The following H3-3A variants were observed in gnomAD, a reference collection of about 807,000 sequenced individuals.
H3-3A encodes the protein histone H3.3.
For missense variants in H3-3A, 7 were observed against 184.0 expected (o/e 0.04, Z 5.57); for synonymous variants, 49 against 61.4 (o/e 0.80, Z 0.95).
intron 2 of H3-3A, among the ~76,000 whole-genome samples, chr1:226,065,353 C>A (rs1023293668): frequency 6.6e-6 from 1 of 151,962 alleles, no homozygotes; most frequent in African/African-American, 2.4e-5. Context: ...TCTTCATTAG[C>A]CTGACAGCTA....
At chr1:226,064,507 C>G (rs2102735886) in intron 2 of H3-3A, 28 bp downstream of exon 2, 3 of 1,592,446 alleles carry the variant, frequency 1.9e-6, no homozygotes, top group East Asian at 4.5e-5. Flanking sequence ...AAAAATGGGA[C>G]AAAGTCTCTC....
Position 226,067,992 on chromosome 1 carries a change from A to G in H3-3A, c.282+2183A>G, listed in dbSNP as rs138859445. ...TTTAATGTCTGAGAACTTGAACTCA[A>G]ATATTCTTGTGTTAAGTGGACAGTG... On this transcript the variant is annotated intron_variant, in intron 3 of 3. Transcript: ENST00000366815. Among the ~76,000 whole-genome samples, 8 of 152,334 alleles carry G rather than the reference A, an allele frequency of 5.3e-5. No homozygotes were observed. In the East Asian group the frequency reaches 1.3e-3, roughly 26 times the overall value.
chr1:226,067,204 A>G (rs542455779), intron 3 of H3-3A: 1 of 152,290 alleles, frequency 6.6e-6, no homozygotes, highest in South Asian at 2.1e-4. Context: ...TTTTAAATTG[A>G]ATTTACTAAA....
At chr1:226,065,602 C>T (rs576675629) in intron 2 of H3-3A, 54 bp from the exon 3 acceptor site, 2 of 1,354,012 alleles carry the variant, frequency 1.5e-6, no homozygotes, top group East Asian at 2.3e-5. Flanking sequence ...TGCCCACTTA[C>T]CTTTTTGTGC....
At chr1:226,063,356 T>C (rs953247770) in intron 1 of H3-3A, among the ~76,000 whole-genome samples, 1 of 152,214 alleles carries the variant, frequency 6.6e-6, no homozygotes, top group African/African-American at 2.4e-5. Flanking sequence ...AGCAAGAATT[T>C]TTAAAAGAGG....
At chr1:226,066,787 A>T (rs41268727) in intron 3 of H3-3A, 10,102 of 152,564 alleles carry the variant, frequency 0.066, 444 homozygotes, top group Non-Finnish European at 0.1. Context: ...AGTACATTCC[A>T]TTGGAGGATT....
chr1:226,071,061 T>G (rs1282056287), intron 3 of H3-3A, among the ~76,000 whole-genome samples: 1 of 152,202 alleles, frequency 6.6e-6, no homozygotes, highest in African/African-American at 2.4e-5. Context: ...CATTTCAGTT[T>G]ATTAGAAATC....
intron 3 of H3-3A, chr1:226,066,231 TAGAG>T (rs1558101790): frequency 1.4e-5 from 3 of 207,560 alleles, no homozygotes; most frequent in Admixed American, 1.1e-4. Context: ...AACATATAGG[TAGAG>T]AGAGCTTAAT....
intron 3 of H3-3A, chr1:226,067,032 G>A (rs550477818): frequency 3.9e-5 from 6 of 152,170 alleles, no homozygotes; most frequent in Admixed American, 1.3e-4. Context: ...TTTAATAGCC[G>A]ATTATCTTCA....
upstream of H3-3A, among the ~76,000 whole-genome samples, chr1:226,062,358 A>C: frequency 6.7e-6 from 1 of 149,916 alleles, no homozygotes; most frequent in East Asian, 2.0e-4. Flanking sequence ...CGGGCGCCCC[A>C]AACCCGGGCT....
intron 3 of H3-3A, chr1:226,067,332 TC>T (rs1657961195): frequency 6.6e-6 from 1 of 152,248 alleles, no homozygotes. Context: ...GTTCACCTCT[TC>T]TGTCCACAGT....
At chr1:226,067,945 T>A (rs1463525100) in intron 3 of H3-3A, among the ~76,000 whole-genome samples, 1 of 152,216 alleles carries the variant, frequency 6.6e-6, no homozygotes, top group East Asian at 1.9e-4. Flanking sequence ...ATAATTGACT[T>A]ACTTAAAATA....
intron 3 of H3-3A, among the ~76,000 whole-genome samples, chr1:226,070,194 C>T (rs1353255152): frequency 6.6e-6 from 1 of 152,058 alleles, no homozygotes; most frequent in Admixed American, 6.5e-5. Flanking sequence ...AAATAAGGAA[C>T]TGCCAGGCCA....
At chr1:226,066,105 G>A (rs1657915155) in intron 3 of H3-3A, 2 of 495,254 alleles carry the variant, frequency 4.0e-6, no homozygotes, top group Non-Finnish European at 7.2e-6. Flanking sequence ...CTCTGGTTTG[G>A]TTTATGGATG....
At chr1:226,067,465 G>A (rs779876132) in intron 3 of H3-3A, among the ~76,000 whole-genome samples, 3 of 152,074 alleles carry the variant, frequency 2.0e-5, no homozygotes, top group East Asian at 1.9e-4. Context: ...TGGGCCGGGC[G>A]CCGTGACTCA....
chr1:226,064,014 A>T (rs906277481), intron 1 of H3-3A: 2 of 180,254 alleles, frequency 1.1e-5, no homozygotes, highest in South Asian at 1.8e-4. Context: ...ATGTTTACAG[A>T]CATTTCTAAT....
At chr1:226,064,252 G>A in intron 1 of H3-3A, 77 bp from the exon 2 acceptor site, 1 of 985,758 alleles carries the variant, frequency 1.0e-6, no homozygotes, top group Non-Finnish European at 1.6e-6. Flanking sequence ...CAGATTTGGG[G>A]AGGGGGTGAT....
intron 3 of H3-3A, among the ~76,000 whole-genome samples, chr1:226,069,507 A>G (rs139717036): frequency 8.0e-4 from 122 of 152,276 alleles, no homozygotes; most frequent in African/African-American, 2.8e-3. Context: ...ATTTATGATT[A>G]TTTTTTAAAA....
chr1:226,066,025 T>A (rs1657911921), intron 3 of H3-3A: 2 of 591,360 alleles, frequency 3.4e-6, no homozygotes. Flanking sequence ...ACTCCAAGGC[T>A]TAGTGCACAT....
Sources: allele counts gnomAD v4.1 joint callset (sites outside exome capture counted in the v4.1 genomes callset), GRCh38; gene constraint gnomAD v4.1.1; transcripts MANE v1.5; gene names NCBI Gene and HGNC (gene_info 2026-07-23, HGNC 2026-07-21).